The following GPC6 variants were observed in gnomAD, a reference collection of about 807,000 sequenced individuals.
GPC6 encodes glypican 6.
Under a neutral mutation model 55.2 loss-of-function variants are expected in GPC6, and 14 were observed. That is an observed-to-expected ratio of 0.25 (90% CI 0.17 to 0.40). The LOEUF (loss-of-function observed/expected upper bound fraction) is 0.40, where lower values mean the gene tolerates loss of function less well. Ranked by LOEUF, GPC6 falls within the 10% of genes least tolerant of loss-of-function variation. The probability of loss-of-function intolerance (pLI) is 1.00; values close to 1 mark genes in which losing one functional copy is unlikely to be tolerated. For synonymous variants in GPC6, 278 were observed against 259.6 expected, an observed-to-expected ratio of 1.07 and a Z score of -0.68; for missense variants, 641 against 708.5, an observed-to-expected ratio of 0.90 and a Z score of 1.08.
intron 2 of GPC6, among the ~76,000 whole-genome samples, chr13:93,715,277 G>A (rs770999335): frequency 6.6e-6 from 1 of 151,828 alleles, no homozygotes; most frequent in Middle Eastern, 3.4e-3. Flanking sequence ...ATACTACACA[G>A]CCATAAAAAG....
chr13:93,966,722 C>T (rs1279075459), intron 3 of GPC6, among the ~76,000 whole-genome samples: 1 of 134,704 alleles, frequency 7.4e-6, no homozygotes, highest in African/African-American at 2.9e-5. Flanking sequence ...ATGATCATGG[C>T]TCATTGCAGC....
chr13:93,307,115 A>AT (rs1046196433), intron 1 of GPC6, among the ~76,000 whole-genome samples: 2 of 152,076 alleles, frequency 1.3e-5, no homozygotes, highest in African/African-American at 2.4e-5. Flanking sequence ...CCAATTGTAG[A>AT]TTTTTTTCTT....
At chr13:93,421,284 T>C (rs1876912921) in intron 1 of GPC6, among the ~76,000 whole-genome samples, 1 of 152,124 alleles carries the variant, frequency 6.6e-6, no homozygotes, top group Non-Finnish European at 1.5e-5. Context: ...TGTATCCACC[T>C]GGTTAGGAGC....
intron 6 of GPC6, among the ~76,000 whole-genome samples, chr13:94,342,768 C>T (rs1189622596): frequency 6.6e-6 from 1 of 152,086 alleles, no homozygotes. Context: ...CAGGAGGTTG[C>T]CTCCTGCACC....
chr13:93,477,475 G>A (rs1879343006), intron 1 of GPC6, among the ~76,000 whole-genome samples: 1 of 152,090 alleles, frequency 6.6e-6, no homozygotes, highest in South Asian at 2.1e-4. Flanking sequence ...TTTTTATGAT[G>A]TTTAAACAAG....
chr13:93,530,616 G>A (rs1476152169), intron 1 of GPC6, among the ~76,000 whole-genome samples: 4 of 152,070 alleles, frequency 2.6e-5, no homozygotes, highest in Admixed American at 6.6e-5. Context: ...TGTGAGAACC[G>A]ATTGTTAAAA....
intron 4 of GPC6, among the ~76,000 whole-genome samples, chr13:94,135,366 G>A (rs1887150054): frequency 1.3e-5 from 2 of 151,552 alleles, no homozygotes; most frequent in African/African-American, 2.4e-5. Context: ...AGGTAATCTT[G>A]TTACTTTAAA....
intron 3 of GPC6, among the ~76,000 whole-genome samples, chr13:93,919,996 A>ATC (rs927862528): frequency 4.6e-5 from 7 of 151,768 alleles, no homozygotes; most frequent in Non-Finnish European, 2.9e-5. Context: ...ACCCTCCCTC[A>ATC]TCTCTCTCTA....
At chr13:93,920,367 C>T (rs574935506) in intron 3 of GPC6, among the ~76,000 whole-genome samples, 1 of 152,196 alleles carries the variant, frequency 6.6e-6, no homozygotes, top group South Asian at 2.1e-4. Flanking sequence ...CTATCATCAC[C>T]ATATAAATGA....
At chr13:93,426,646 A>G (rs1324951285) in intron 1 of GPC6, among the ~76,000 whole-genome samples, 2 of 152,010 alleles carry the variant, frequency 1.3e-5, no homozygotes, top group Non-Finnish European at 2.9e-5. Context: ...ATTGTTGGAC[A>G]TTTGGGTTGG....
chr13:94,072,036 A>G (rs1351798146), intron 4 of GPC6, among the ~76,000 whole-genome samples: 1 of 152,158 alleles, frequency 6.6e-6, no homozygotes, highest in Non-Finnish European at 1.5e-5. Flanking sequence ...CCCCTTCTAA[A>G]CAAGTTTATT....
chr13:94,023,403 C>T (rs1355888794), intron 3 of GPC6, among the ~76,000 whole-genome samples: 2 of 151,264 alleles, frequency 1.3e-5, no homozygotes, highest in East Asian at 3.9e-4. Flanking sequence ...TAAATATTAT[C>T]CAGAGGAAAC....
chr13:94,154,559 T>C (rs1196662848), intron 4 of GPC6, among the ~76,000 whole-genome samples: 2 of 152,128 alleles, frequency 1.3e-5, no homozygotes, highest in African/African-American at 4.8e-5. Flanking sequence ...TGCAATGGCA[T>C]GCATTGGTAT....
chr13:93,744,864 C>T (rs1438138685), intron 2 of GPC6, among the ~76,000 whole-genome samples: 2 of 151,476 alleles, frequency 1.3e-5, no homozygotes, highest in Admixed American at 6.6e-5. Flanking sequence ...ACCCAGGAAG[C>T]GAAGGATGCA....
chr13:93,997,649 G>A (rs1414260362), intron 3 of GPC6, among the ~76,000 whole-genome samples: 1 of 151,876 alleles, frequency 6.6e-6, no homozygotes, highest in Non-Finnish European at 1.5e-5. Flanking sequence ...TACCAAGATT[G>A]CAATAATTTT....
chr13:94,323,605 G>T (rs1876958236), intron 6 of GPC6, among the ~76,000 whole-genome samples: 1 of 152,078 alleles, frequency 6.6e-6, no homozygotes, highest in African/African-American at 2.4e-5. Flanking sequence ...GGGTGGGAGG[G>T]TGCCAAGAGA....
chr13:93,543,917 G>C (rs1359534486), intron 1 of GPC6, among the ~76,000 whole-genome samples: 1 of 151,960 alleles, frequency 6.6e-6, no homozygotes, highest in Non-Finnish European at 1.5e-5. Context: ...CATAGTTTAC[G>C]TTCCCACTGA....
At chr13:93,333,882 C>CT (rs1879948553) in intron 1 of GPC6, among the ~76,000 whole-genome samples, 1 of 152,158 alleles carries the variant, frequency 6.6e-6, no homozygotes, top group Admixed American at 6.5e-5. Context: ...TATCCCTCAA[C>CT]TTTACTGAAT....
intron 2 of GPC6, among the ~76,000 whole-genome samples, chr13:93,676,565 G>T (rs1720225104): frequency 6.6e-6 from 1 of 152,128 alleles, no homozygotes. Context: ...GAGAGTATAT[G>T]TGCAGCATGG....
Sources: gnomAD v4.1 joint callset for allele counts (sites outside exome capture counted in the v4.1 genomes callset) on GRCh38, gnomAD v4.1.1 for gene constraint, MANE v1.5 for transcripts, NCBI Gene and HGNC (gene_info 2026-07-23, HGNC 2026-07-21) for gene names.